Variants in SCN3A observed in about 807,000 individuals in gnomAD.
The protein encoded by SCN3A is sodium channel protein type 3 subunit alpha.
SCN3A carries 60 observed loss-of-function variants against 187.6 expected under a neutral mutation model. The ratio of observed to expected loss-of-function variants is 0.32; its 90% confidence interval spans 0.26 to 0.40. The LOEUF (loss-of-function observed/expected upper bound fraction) is 0.40. Ranked by LOEUF, SCN3A falls within the 10% of genes least tolerant of loss-of-function variation. The probability of loss-of-function intolerance (pLI) is 1.00; values close to 1 mark genes in which losing one functional copy is unlikely to be tolerated. For missense variants in SCN3A, 1,601 were observed against 2,428.2 expected (o/e 0.66, Z 7.16); for synonymous variants, 788 against 829.2 (o/e 0.95, Z 0.85).
intron 26 of SCN3A, 185 bp downstream of exon 26, chr2:165,094,189 C>G (rs1685247914): frequency 1.6e-6 from 1 of 640,486 alleles, no homozygotes; most frequent in African/African-American, 1.8e-5. Context: ...ACATTACCTC[C>G]TTTTTTTGGA....
intron 6 of SCN3A, 148 bp downstream of exon 6, chr2:165,164,244 A>T: frequency 1.0e-6 from 1 of 983,776 alleles, no homozygotes; most frequent in Non-Finnish European, 1.6e-6. Context: ...TGCAATATGT[A>T]TTCTAATATG....
At chr2:165,165,102 A>G (rs1689664914) in intron 5 of SCN3A, among the ~76,000 whole-genome samples, 1 of 152,164 alleles carries the variant, frequency 6.6e-6, no homozygotes, top group Admixed American at 6.5e-5. Context: ...CTTAATGAGT[A>G]GACTCATTTT....
intron 11 of SCN3A, among the ~76,000 whole-genome samples, chr2:165,153,599 C>G (rs1247284994): frequency 6.6e-6 from 1 of 151,700 alleles, no homozygotes; most frequent in Non-Finnish European, 1.5e-5. Flanking sequence ...ATAAAAGAAG[C>G]TATACAGATG....
chr2:165,106,091 G>A (rs141597181), intron 21 of SCN3A, among the ~76,000 whole-genome samples: 7 of 152,198 alleles, frequency 4.6e-5, no homozygotes, highest in East Asian at 1.9e-4. Flanking sequence ...CGATCTAAGC[G>A]TTCATCCCTG....
chr2:165,189,584 C>A (rs1247559339), intron 1 of SCN3A, among the ~76,000 whole-genome samples: 1 of 152,126 alleles, frequency 6.6e-6, no homozygotes, highest in Non-Finnish European at 1.5e-5. Context: ...GAATCTTAGA[C>A]AAATTAAATC....
At chr2:165,194,258 G>T (rs1476076292) in intron 1 of SCN3A, among the ~76,000 whole-genome samples, 1 of 152,086 alleles carries the variant, frequency 6.6e-6, no homozygotes, top group Non-Finnish European at 1.5e-5. Context: ...AAAAAGAAGG[G>T]AGAGGTGGGA....
rs532054443 is a variant in SCN3A at position 165,106,632 on chromosome 2, A to G, written c.3844-6208T>C. Reference sequence around the variant, plus strand: ...CTAGGAAAGTAACAGTAGATGCTGCATAAGTTGTTGTGAAGATTAAACAAA... The same window carrying G: ...CTAGGAAAGTAACAGTAGATGCTGCGTAAGTTGTTGTGAAGATTAAACAAA... On this transcript the variant is annotated intron_variant, in intron 21 of 27. Transcript: ENST00000283254. Among the ~76,000 whole-genome samples the G allele has an allele frequency of 7.2e-5, 11 of 152,354 alleles. No individual in the cohort carries two copies. The South Asian group carries it at 1.2e-3, about 17-fold the overall frequency.
chr2:165,093,260 C>G (rs1234573366), intron 26 of SCN3A: 1 of 151,990 alleles, frequency 6.6e-6, no homozygotes, highest in Admixed American at 6.6e-5. Flanking sequence ...TGGTTTATAC[C>G]TTATTTCCCT....
rs765854095 is a variant in SCN3A at position 165,186,609 on chromosome 2, T to C, written c.-109A>G. ...CTCCAGGTCCCTTCTGTGAATTATCTCATTTATTCTTACAATATCCCTAGA... is the reference window on the plus strand; with the variant it reads ...CTCCAGGTCCCTTCTGTGAATTATCCCATTTATTCTTACAATATCCCTAGA... On this transcript the variant is annotated 5_prime_UTR_variant, in exon 2 of 28. Coordinates refer to ENST00000283254, the MANE Select transcript of SCN3A (RefSeq NM_006922.4). The C allele has an allele frequency of 2.0e-5, 3 of 152,180 alleles. No individual in the cohort carries two copies. The highest frequency in any genetic ancestry group is 6.5e-5 in the Admixed American group (1 of 15,278). 9.4% of individuals were successfully genotyped at this position (152,180 alleles called of 1,614,324 possible).
chr2:165,122,254 T>TTA (rs1686726664), intron 18 of SCN3A, among the ~76,000 whole-genome samples: 2 of 149,310 alleles, frequency 1.3e-5, no homozygotes, highest in South Asian at 4.2e-4. Context: ...TTTTTTTTTT[T>TTA]ACAGAACCTT....
At chr2:165,131,618 T>C (rs1687325712) in intron 15 of SCN3A, among the ~76,000 whole-genome samples, 1 of 151,912 alleles carries the variant, frequency 6.6e-6, no homozygotes, top group Non-Finnish European at 1.5e-5. Context: ...ATTATTATTA[T>C]ACTTTAAGTT....
intron 1 of SCN3A, among the ~76,000 whole-genome samples, chr2:165,194,141 G>A (rs1387410434): frequency 6.6e-6 from 1 of 152,116 alleles, no homozygotes; most frequent in African/African-American, 2.4e-5. Context: ...CAGAAGGAGA[G>A]ATATACAAGT....
intron 26 of SCN3A, chr2:165,093,409 A>G (rs1229035972): frequency 6.6e-6 from 1 of 152,154 alleles, no homozygotes; most frequent in Non-Finnish European, 1.5e-5. Flanking sequence ...ACAAAAATGC[A>G]TGACTTTAAA....
intron 18 of SCN3A, among the ~76,000 whole-genome samples, chr2:165,120,922 G>A (rs575792797): frequency 6.6e-6 from 1 of 151,230 alleles, no homozygotes; most frequent in Non-Finnish European, 1.5e-5. Flanking sequence ...TTTTAAAATA[G>A]CCTGAATAAG....
rs35233057 is a variant in SCN3A, at chr2:165,097,142, CT to C, written c.4239+109del. The C allele has an allele frequency of 2.6e-5, 33 of 1,251,358 alleles. No individual in the cohort carries two copies. In the Admixed American group the frequency reaches 3.5e-4, roughly 13 times the overall value. The allele number at this position is 1,251,358 out of a possible 1,614,324, so 77.5% of individuals were successfully genotyped here. The stretch of plus-strand genomic sequence containing the variant: ...CTGATATTATAGGTGTTATCATTAA[CT>C]TTTTTTCATGCTGTCAAATGTTAGT... On this transcript the variant is annotated intron_variant, in intron 23 of 27. Coordinates refer to ENST00000283254, the MANE Select transcript of SCN3A (RefSeq NM_006922.4).
At chr2:165,153,814 A>AT (rs1013398926) in intron 11 of SCN3A, among the ~76,000 whole-genome samples, 10 of 151,088 alleles carry the variant, frequency 6.6e-5, no homozygotes, top group East Asian at 1.9e-4. Flanking sequence ...CAGTATATGG[A>AT]TTTTTTTTTC....
intron 11 of SCN3A, among the ~76,000 whole-genome samples, chr2:165,149,291 C>G (rs545978494): frequency 2.0e-5 from 3 of 152,068 alleles, no homozygotes; most frequent in Non-Finnish European, 2.9e-5. Flanking sequence ...TCTCCTGCCT[C>G]AGCCCCCTGA....
intron 2 of SCN3A, among the ~76,000 whole-genome samples, chr2:165,183,346 A>G (rs1691010964): frequency 6.6e-6 from 1 of 152,226 alleles, no homozygotes; most frequent in Non-Finnish European, 1.5e-5. Context: ...ATTTGTCTTG[A>G]ATCTTACTAT....
intron 9 of SCN3A, among the ~76,000 whole-genome samples, chr2:165,157,687 T>C (rs1438781936): frequency 6.6e-6 from 1 of 152,238 alleles, no homozygotes; most frequent in African/African-American, 2.4e-5. Flanking sequence ...ATCTTAAGTA[T>C]ATACCAAAAT....
Sources: allele counts gnomAD v4.1 joint callset (sites outside exome capture counted in the v4.1 genomes callset), GRCh38; gene constraint gnomAD v4.1.1; transcripts MANE v1.5; gene names NCBI Gene and HGNC (gene_info 2026-07-23, HGNC 2026-07-21).